The following WDFY4 variants were observed in gnomAD, a reference collection of about 807,000 sequenced individuals.
WDFY4 encodes the protein WD repeat- and FYVE domain-containing protein 4.
WDFY4 carries 169 observed loss-of-function variants against 351.9 expected under a neutral mutation model. The observed-to-expected ratio is 0.48, with a 90% CI of 0.42 to 0.55. WDFY4 has a LOEUF of 0.55. WDFY4 is among the 20% of genes least tolerant of loss of function. WDFY4 has a pLI of 0.00. For missense variants in WDFY4, 3,803 were observed against 3,935.6 expected (o/e 0.97, Z 0.90); for synonymous variants, 1,622 against 1,574.6 (o/e 1.03, Z -0.71).
intron 49 of WDFY4, among the ~76,000 whole-genome samples, chr10:48,944,398 G>A (rs1414762026): frequency 2.6e-5 from 4 of 152,240 alleles, no homozygotes; most frequent in Admixed American, 6.5e-5. Context: ...AAACTCCACA[G>A]CTGGACCAGG....
chr10:48,711,033 A>G (rs1377929140), intron 2 of WDFY4, among the ~76,000 whole-genome samples: 1 of 152,248 alleles, frequency 6.6e-6, no homozygotes, highest in Non-Finnish European at 1.5e-5. Context: ...AGAGAGAACA[A>G]GAGCTACTTT....
intron 3 of WDFY4, among the ~76,000 whole-genome samples, chr10:48,720,783 C>T (rs1191561622): frequency 6.6e-6 from 1 of 152,214 alleles, no homozygotes; most frequent in Non-Finnish European, 1.5e-5. Context: ...CTTGTGGGGC[C>T]TCCTGACTTG....
At chr10:48,812,278 T>C (rs2250389) in intron 30 of WDFY4, among the ~76,000 whole-genome samples, 95,791 of 149,962 alleles carry the variant, frequency 0.64, 32,646 homozygotes, top group African/African-American at 0.89. Context: ...CAACCGCTGC[T>C]TTCTGGGTTC....
At chr10:48,711,521 C>T (rs1340858324) in intron 2 of WDFY4, among the ~76,000 whole-genome samples, 2 of 152,102 alleles carry the variant, frequency 1.3e-5, no homozygotes, top group African/African-American at 2.4e-5. Flanking sequence ...TGCTAGTTCT[C>T]GGTGACACTT....
intron 47 of WDFY4, among the ~76,000 whole-genome samples, chr10:48,905,788 A>C (rs1837585435): frequency 6.6e-6 from 1 of 152,260 alleles, no homozygotes; most frequent in African/African-American, 2.4e-5. Flanking sequence ...CCCGGGCTTC[A>C]GGATCAAGCT....
intron 47 of WDFY4, among the ~76,000 whole-genome samples, chr10:48,912,933 C>A (rs560035626): frequency 2.6e-5 from 4 of 152,364 alleles, no homozygotes; most frequent in African/African-American, 9.6e-5. Flanking sequence ...AAGTGCTCAT[C>A]TACTTTCTTA....
At chr10:48,690,949 G>A (rs1037796953) in intron 1 of WDFY4, among the ~76,000 whole-genome samples, 3 of 152,150 alleles carry the variant, frequency 2.0e-5, no homozygotes, top group Non-Finnish European at 4.4e-5. Flanking sequence ...GCTTGAAGGT[G>A]GGACCTTACC....
chr10:48,727,645 C>T lies in WDFY4; in HGVS notation c.957C>T (p.Leu319=), dbSNP rs2064313856. 6 of 1,551,868 alleles carry T rather than the reference C, an allele frequency of 3.9e-6. No individual in the cohort carries two copies. Among genetic ancestry groups the T allele is most frequent in the Middle Eastern group, 1.7e-4 (1 of 6,014 alleles). Residue 319 remains leucine, a synonymous_variant, in exon 7 of 62, where the codon CTC becomes CTT. Transcript: ENST00000325239. ...ATTCAGAGGGCTATCCTCTGCTGCT[C>T]AAAGTGTTACTTCGGTAAGTGGCTG... ...FENSEGYPLL[L]KVLLRYDGLT...
intron 47 of WDFY4, among the ~76,000 whole-genome samples, chr10:48,914,883 C>T (rs561506781): frequency 4.1e-4 from 62 of 152,252 alleles, no homozygotes; most frequent in African/African-American, 1.3e-3. Flanking sequence ...ATGGGGGGTG[C>T]GGGCAAAGCT....
At chr10:48,796,541 C>G (rs2066881395) in intron 24 of WDFY4, 91 bp downstream of exon 24, 5 of 1,460,938 alleles carry the variant, frequency 3.4e-6, no homozygotes, top group Non-Finnish European at 4.5e-6. Context: ...AGCATGTCAG[C>G]TTCCCTCATA....
At chr10:48,930,978 C>G (rs1839962824) in intron 47 of WDFY4, among the ~76,000 whole-genome samples, 1 of 152,074 alleles carries the variant, frequency 6.6e-6, no homozygotes, top group South Asian at 2.1e-4. Flanking sequence ...GTACTGGACT[C>G]TTTTTACTTT....
chr10:48,928,144 G>A (rs571658770), intron 47 of WDFY4, among the ~76,000 whole-genome samples: 123 of 152,296 alleles, frequency 8.1e-4, no homozygotes, highest in African/African-American at 2.9e-3. Context: ...TAGGAAACTG[G>A]GTCTCAGAGA....
intron 39 of WDFY4, among the ~76,000 whole-genome samples, chr10:48,841,823 C>T (rs1401537753): frequency 1.3e-5 from 2 of 152,328 alleles, no homozygotes; most frequent in East Asian, 3.9e-4. Context: ...AGAGTCACTG[C>T]ACACCTGCTG....
chr10:48,775,683 C>A, intron 14 of WDFY4, 29 bp from the exon 15 acceptor site: 1 of 1,542,250 alleles, frequency 6.5e-7, no homozygotes, highest in African/African-American at 1.4e-5. Context: ...AAAATGTCTT[C>A]ATTTTTTCCT....
intron 23 of WDFY4, among the ~76,000 whole-genome samples, chr10:48,791,347 G>A (rs1287636874): frequency 6.6e-6 from 1 of 152,230 alleles, no homozygotes; most frequent in African/African-American, 2.4e-5. Flanking sequence ...CTGTAATAGG[G>A]TTGCAGTGAG....
chr10:48,698,217 G>A (rs1035198664), intron 1 of WDFY4, among the ~76,000 whole-genome samples: 1 of 152,198 alleles, frequency 6.6e-6, no homozygotes, highest in African/African-American at 2.4e-5. Context: ...CGGAATGCAG[G>A]ACTTGATGCC....
chr10:48,912,002 G>A (rs531958288), intron 47 of WDFY4, among the ~76,000 whole-genome samples: 17 of 152,266 alleles, frequency 1.1e-4, no homozygotes, highest in Admixed American at 2.6e-4. Flanking sequence ...ATGCCTCTTG[G>A]TGCTTCTCAT....
chr10:48,732,267 C>T (rs75794328), intron 9 of WDFY4, among the ~76,000 whole-genome samples: 87 of 152,290 alleles, frequency 5.7e-4, no homozygotes, highest in Middle Eastern at 3.4e-3. Context: ...CTACCATCTC[C>T]GTTGACTTTC....
In WDFY4 at chr10:48,820,350, G is replaced by A. The variant is rs2067776144; in HGVS notation, c.5622G>A (p.Leu1874=). The change falls in exon 33 of 62, where the codon CTG becomes CTA. Residue 1874 remains leucine (L), a synonymous_variant. Transcript: ENST00000325239. The stretch of plus-strand genomic sequence containing the variant: ...AGGCACATCCCGCCCGGAGGAAGCT[G>A]AGGGAGTTCACGCAGCTCCTCTTGA... ...PTKAHPARRK[L]REFTQLLLRE... 6.4e-7 allele frequency: 1 copy of A among 1,551,542 alleles called. No individual in the cohort carries two copies. The highest frequency in any genetic ancestry group is 8.7e-7 in the Non-Finnish European group (1 of 1,147,008).
Sources: gnomAD v4.1 joint callset for allele counts (sites outside exome capture counted in the v4.1 genomes callset) on GRCh38, gnomAD v4.1.1 for gene constraint, MANE v1.5 for transcripts, NCBI Gene and HGNC (gene_info 2026-07-23, HGNC 2026-07-21) for gene names.